Variants in FAM162A observed in about 807,000 individuals in gnomAD.
FAM162A encodes the protein family with sequence similarity 162 member A.
In FAM162A, 23 loss-of-function variants were observed where a neutral mutation model predicts 21.8. That is an observed-to-expected ratio of 1.05 (90% CI 0.76 to 1.49). The LOEUF is 1.49. Among genes scored for constraint, FAM162A ranks in the 40% most tolerant of loss-of-function variants. The probability of loss-of-function intolerance (pLI) is 0.00; values close to 1 mark genes in which losing one functional copy is unlikely to be tolerated. For synonymous variants in FAM162A, 53 were observed against 61.3 expected, an observed-to-expected ratio of 0.86 and a Z score of 0.64; for missense variants, 165 against 186.4, an observed-to-expected ratio of 0.89 and a Z score of 0.67.
At chr3:122,384,576 C>T (rs2075565074) in intron 1 of FAM162A, among the ~76,000 whole-genome samples, 1 of 152,160 alleles carries the variant, frequency 6.6e-6, no homozygotes, top group Non-Finnish European at 1.5e-5. Context: ...CACCCCCGTC[C>T]TCAGCCTCCC....
intron 4 of FAM162A, among the ~76,000 whole-genome samples, chr3:122,408,384 A>G (rs1030793442): frequency 6.6e-6 from 1 of 152,232 alleles, no homozygotes; most frequent in Non-Finnish European, 1.5e-5. Flanking sequence ...CACAGCTTCC[A>G]TGTGGAAAGT....
At chr3:122,396,004 G>T (rs1014282123) in intron 1 of FAM162A, among the ~76,000 whole-genome samples, 1 of 152,178 alleles carries the variant, frequency 6.6e-6, no homozygotes, top group African/African-American at 2.4e-5. Context: ...GCCAAAGAAT[G>T]AATTTGGATC....
chr3:122,390,736 C>G (rs1401403625), intron 1 of FAM162A, among the ~76,000 whole-genome samples: 1 of 152,212 alleles, frequency 6.6e-6, no homozygotes, highest in Non-Finnish European at 1.5e-5. Context: ...CAGGTTCTGT[C>G]CATACTGACT....
chr3:122,401,183 A>G (rs2075652121), intron 1 of FAM162A, among the ~76,000 whole-genome samples: 1 of 152,162 alleles, frequency 6.6e-6, no homozygotes. Flanking sequence ...TATTATATGT[A>G]TATATCAAGT....
At position 122,410,067 on chromosome 3, in the gene FAM162A, A is replaced by T. The variant is rs2075697608; in HGVS notation, c.*236A>T. On this transcript the variant is annotated 3_prime_UTR_variant, in exon 5 of 5. Transcript: ENST00000477892. The stretch of plus-strand genomic sequence containing the variant: ...TCAGCCTTTTGGAGAAAAATGAAAC[A>T]ATTTATTTCAACTTGAATACCAACT... 2.0e-6 allele frequency: 1 copy of T among 497,740 alleles called. No homozygotes were observed. Among genetic ancestry groups the T allele is most frequent in the Non-Finnish European group, 3.7e-6 (1 of 272,898 alleles). The allele number at this position is 497,740 out of a possible 1,614,324, so 30.8% of individuals were successfully genotyped here.
intron 4 of FAM162A, among the ~76,000 whole-genome samples, chr3:122,408,623 A>G (rs948319122): frequency 2.0e-5 from 3 of 152,086 alleles, no homozygotes; most frequent in African/African-American, 7.2e-5. Flanking sequence ...TTCCCACCCC[A>G]CTTCATTTTT....
chr3:122,396,761 ACT>A (rs1215197069), intron 1 of FAM162A, among the ~76,000 whole-genome samples: 1 of 152,230 alleles, frequency 6.6e-6, no homozygotes, highest in Non-Finnish European at 1.5e-5. Flanking sequence ...GTGTAAACAA[ACT>A]CTGGTATAGT....
At chr3:122,386,341 G>A (rs1466382953) in intron 1 of FAM162A, among the ~76,000 whole-genome samples, 1 of 152,056 alleles carries the variant, frequency 6.6e-6, no homozygotes, top group African/African-American at 2.4e-5. Context: ...TTGAGACCAG[G>A]AGTTTGAGAC....
At chr3:122,400,361 G>A (rs554025518) in intron 1 of FAM162A, among the ~76,000 whole-genome samples, 2 of 151,490 alleles carry the variant, frequency 1.3e-5, no homozygotes, top group East Asian at 3.9e-4. Flanking sequence ...TCATGCACCA[G>A]GGCCTGTCAG....
intron 3 of FAM162A, among the ~76,000 whole-genome samples, chr3:122,404,994 A>C (rs1424760428): frequency 6.6e-6 from 1 of 152,106 alleles, no homozygotes; most frequent in Non-Finnish European, 1.5e-5. Context: ...TCTGCCCCCT[A>C]CATGCCCGTA....
At chr3:122,385,661 A>T (rs1000500148) in intron 1 of FAM162A, among the ~76,000 whole-genome samples, 1 of 152,208 alleles carries the variant, frequency 6.6e-6, no homozygotes, top group Non-Finnish European at 1.5e-5. Context: ...CAAACTTCTG[A>T]TGTGTAAAAA....
intron 4 of FAM162A, among the ~76,000 whole-genome samples, chr3:122,408,715 A>G (rs1050028627): frequency 1.2e-4 from 18 of 152,318 alleles, no homozygotes; most frequent in African/African-American, 2.2e-4. Context: ...GTGAGCTTCT[A>G]GGATTCTGAG....
intron 1 of FAM162A, among the ~76,000 whole-genome samples, chr3:122,388,270 A>G (rs1234790485): frequency 6.6e-6 from 1 of 152,222 alleles, no homozygotes; most frequent in Admixed American, 6.5e-5. Flanking sequence ...GTTGAGGACT[A>G]CAGAAGTATT....
At chr3:122,403,940 G>A (rs2075665378) in intron 2 of FAM162A, among the ~76,000 whole-genome samples, 1 of 152,104 alleles carries the variant, frequency 6.6e-6, no homozygotes, top group African/African-American at 2.4e-5. Flanking sequence ...GTTTCAAAAT[G>A]TACAGTAGTT....
intron 1 of FAM162A, among the ~76,000 whole-genome samples, chr3:122,400,281 A>G (rs1411621580): frequency 6.6e-6 from 1 of 152,164 alleles, no homozygotes; most frequent in Non-Finnish European, 1.5e-5. Context: ...ACAGAAAACC[A>G]AACACTGCAT....
chr3:122,384,739 CCA>C lies in FAM162A; in HGVS notation c.34+441_34+442del, dbSNP rs2075566323. On this transcript the variant is annotated intron_variant, in intron 1 of 4. Coordinates refer to ENST00000477892, the MANE Select transcript of FAM162A (RefSeq NM_014367.4). The stretch of plus-strand genomic sequence containing the variant: ...CTCTGGAGTTTATCCCAGAAAACCT[CCA>C]GTCTGAAGTTTCCCCACTCATTAAA... Among the ~76,000 whole-genome samples the C allele has an allele frequency of 2.6e-5, 4 of 152,298 alleles. No individual in the cohort carries two copies. The South Asian group carries it at 8.3e-4, about 32-fold the overall frequency.
Position 122,384,228 on chromosome 3 carries a change from G to A in FAM162A, c.-38G>A. The A allele has an allele frequency of 1.3e-6, 2 of 1,558,276 alleles. No homozygotes were observed. The highest frequency in any genetic ancestry group is 2.4e-5 in the East Asian group (1 of 41,680). ...GAGCTCACCAGCGCCACCGTCCCCG[G>A]CGAAGTTCTGCGCTGGTCGGCGGAG... On this transcript the variant is annotated 5_prime_UTR_variant, in exon 1 of 5. Transcript: ENST00000477892.
chr3:122,410,012 A>T lies in FAM162A; in HGVS notation c.*181A>T, dbSNP rs1159907741. ...TTTTCTTAAATAATGACTGTGTTTT[A>T]TTGTTTTGATCCAAGTCAAGTGTAG... On this transcript the variant is annotated 3_prime_UTR_variant, in exon 5 of 5. Coordinates refer to ENST00000477892, the MANE Select transcript of FAM162A (RefSeq NM_014367.4). 1.5e-6 allele frequency: 1 copy of T among 657,820 alleles called. No homozygotes were observed. The highest frequency in any genetic ancestry group is 2.8e-6 in the Non-Finnish European group (1 of 363,626). The allele number at this position is 657,820 out of a possible 1,614,324, so 40.7% of individuals were successfully genotyped here. A position where few individuals can be genotyped will look rare whatever the true frequency, so the allele number is the denominator to read the frequency against.
At chr3:122,394,794 A>C (rs2075619922) in intron 1 of FAM162A, among the ~76,000 whole-genome samples, 1 of 152,176 alleles carries the variant, frequency 6.6e-6, no homozygotes. Flanking sequence ...TGATGAGGCC[A>C]CATTATCCTC....
Sources: gnomAD v4.1 joint callset for allele counts (sites outside exome capture counted in the v4.1 genomes callset) on GRCh38, gnomAD v4.1.1 for gene constraint, MANE v1.5 for transcripts, NCBI Gene and HGNC (gene_info 2026-07-23, HGNC 2026-07-21) for gene names.